The following DDX17 variants were observed in gnomAD, a reference collection of about 807,000 sequenced individuals.
DDX17 encodes DEAD-box helicase 17.
A neutral mutation model predicts 80.8 loss-of-function variants in DDX17; 10 were observed. The ratio of observed to expected loss-of-function variants is 0.12; its 90% CI spans 0.08 to 0.21. The LOEUF is 0.21. Among genes scored for constraint, DDX17 ranks in the 10% least tolerant of loss-of-function variants. The pLI, the probability that DDX17 is intolerant of heterozygous loss-of-function variation, is 1.00. For missense variants in DDX17, 586 were observed against 957.4 expected (o/e 0.61, Z 5.12); for synonymous variants, 339 against 336.2 (o/e 1.01, Z -0.09).
chr22:38,501,394 A>G, intron 1 of DDX17, 114 bp from the exon 2 acceptor site: 1 of 1,241,510 alleles, frequency 8.1e-7, no homozygotes, highest in Non-Finnish European at 1.1e-6. Context: ...CCTACCTCCA[A>G]AAAGACCATT....
chr22:38,494,554 C>T lies in DDX17; in HGVS notation c.1214+76G>A. ...CTCAGGCCTCAAAATATACTGGTTT[C>T]TACAGTACTAATTTTGGAGGGTTAT... is the stretch of plus-strand genomic sequence containing the variant. On this transcript the variant is annotated intron_variant, in intron 8 of 12. Transcript: ENST00000403230. The T allele has an allele frequency of 2.1e-6, 3 of 1,404,060 alleles. No homozygotes were observed. In the East Asian group the frequency reaches 6.9e-5, roughly 32 times the overall value. The allele number at this position is 1,404,060 out of a possible 1,614,324, so 87.0% of individuals were successfully genotyped here. A position where few individuals can be genotyped will look rare whatever the true frequency, so the allele number is the denominator to read the frequency against.
chr22:38,503,277 C>A (rs931767428), intron 1 of DDX17, among the ~76,000 whole-genome samples: 23 of 152,192 alleles, frequency 1.5e-4, no homozygotes, highest in African/African-American at 5.1e-4. Flanking sequence ...GGTAGAAAGT[C>A]TTTGGATTAT....
chr22:38,503,920 T>C (rs1164917097), intron 1 of DDX17, among the ~76,000 whole-genome samples: 1 of 152,228 alleles, frequency 6.6e-6, no homozygotes, highest in Non-Finnish European at 1.5e-5. Flanking sequence ...GGGGCACAGA[T>C]CTTATGAAAG....
rs1476480697 is a variant in DDX17 at position 38,504,742 on chromosome 22, G to A, written c.287+1209C>T. 2.6e-5 allele frequency among the ~76,000 whole-genome samples: 4 copies of A among 152,218 alleles called. No individual in the cohort carries two copies. The South Asian group carries it at 6.2e-4, about 24-fold the overall frequency. The stretch of plus-strand genomic sequence containing the variant: ...ACGTTTGGAGAAAATATCGTTAACA[G>A]AGCGCCTACTACAGTGAGACTATTA... On this transcript the variant is annotated intron_variant, in intron 1 of 12. Transcript: ENST00000403230.
chr22:38,505,817 G>A (rs1431879112), intron 1 of DDX17, 134 bp downstream of exon 1: 2 of 1,180,510 alleles, frequency 1.7e-6, no homozygotes, highest in Non-Finnish European at 2.3e-6. Flanking sequence ...CGAAACCGCT[G>A]TCTCGCCTCG....
At chr22:38,497,989 G>C (rs931722070) in intron 5 of DDX17, 96 bp downstream of exon 5, 1 of 1,170,760 alleles carries the variant, frequency 8.5e-7, no homozygotes, top group South Asian at 1.3e-5. Flanking sequence ...GGAGGGTGTG[G>C]TTAAGAGTAC....
rs755564470 is a variant in DDX17 at position 38,488,218 on chromosome 22, CA to C, written c.1448-104del. On this transcript the variant is annotated intron_variant, in intron 11 of 12. Coordinates refer to ENST00000403230, the MANE Select transcript of DDX17 (RefSeq NM_006386.5). ...TGGGAAGCACGAATGCAGATGACAG[CA>C]AGAGGAAAGAAGGTGAAGTTAGTAA... 14 of 1,598,128 alleles carry C rather than the reference CA, an allele frequency of 8.8e-6. No homozygotes were observed. In the African/African-American group the frequency reaches 1.9e-4, roughly 21 times the overall value.
Position 38,483,675 on chromosome 22 carries a change from C to A in DDX17, c.*2260G>T. 6.6e-6 allele frequency: 1 copy of A among 152,556 alleles called. No homozygotes were observed. Among genetic ancestry groups the A allele is most frequent in the Non-Finnish European group, 1.5e-5 (1 of 68,038 alleles). 9.5% of individuals were successfully genotyped at this position (152,556 alleles called of 1,614,324 possible). A position where few individuals can be genotyped will look rare whatever the true frequency, so the allele number is the denominator to read the frequency against. ...CCACTAACCTTTTAGATGAGAAGTC[C>A]ACACAACGAATTGTTAGGGAGGATT... is the stretch of plus-strand genomic sequence containing the variant. On this transcript the variant is annotated 3_prime_UTR_variant, in exon 13 of 13. Coordinates refer to ENST00000403230, the MANE Select transcript of DDX17 (RefSeq NM_006386.5).
chr22:38,495,246 ATTTTTTTTT>A (rs138442), intron 6 of DDX17, among the ~76,000 whole-genome samples, 200 bp from the exon 7 acceptor site: 1 of 130,682 alleles, frequency 7.7e-6, no homozygotes, highest in Non-Finnish European at 1.6e-5. Context: ...CAGAGAAGCT[ATTTTTTTTT>A]TTTTTTTTGA....
intron 2 of DDX17, 135 bp downstream of exon 2, chr22:38,500,995 C>CA (rs1458741808): frequency 8.4e-7 from 1 of 1,183,436 alleles, no homozygotes. Context: ...AAAAATTAAC[C>CA]AAAAAATTTT....
chr22:38,493,400 C>T (rs754545437), intron 10 of DDX17: 2 of 246,138 alleles, frequency 8.1e-6, no homozygotes, highest in Middle Eastern at 1.3e-3. Flanking sequence ...TTGCCCAGAC[C>T]GGTCTTGAAC....
At chr22:38,488,261 C>CA (rs754410837) in intron 11 of DDX17, 146 bp from the exon 12 acceptor site, 5 of 1,541,294 alleles carry the variant, frequency 3.2e-6, no homozygotes, top group Middle Eastern at 1.7e-4. Context: ...TGAACAGAAA[C>CA]AAAAAAAGAC....
chr22:38,501,079 A>AT, intron 2 of DDX17, 51 bp downstream of exon 2: 2 of 1,572,116 alleles, frequency 1.3e-6, no homozygotes, highest in Non-Finnish European at 8.6e-7. Flanking sequence ...TCTAACCAAT[A>AT]TATCTACTTG....
rs1429554681 is a variant in DDX17, at chr22:38,484,370, A to T, written c.*1565T>A. ...GACCTACCTGTATGTTGCACATTGA[A>T]TCATACTTTCAGAACCCCTCAGAAA... On this transcript the variant is annotated 3_prime_UTR_variant, in exon 13 of 13. Transcript: ENST00000403230. 1 of 152,286 alleles carries T rather than the reference A, an allele frequency of 6.6e-6. No individual in the cohort carries two copies. Among genetic ancestry groups the T allele is most frequent in the East Asian group, 1.9e-4 (1 of 5,202 alleles). The allele number at this position is 152,286 out of a possible 1,614,324, so 9.4% of individuals were successfully genotyped here.
rs756409730 is a variant in DDX17, at chr22:38,486,370, G to C, written c.1755C>G (p.Asp585Glu). 1.2e-6 allele frequency: 2 copies of C among 1,614,174 alleles called. No individual in the cohort carries two copies. Among genetic ancestry groups the C allele is most frequent in the Non-Finnish European group, 1.7e-6 (2 of 1,180,034 alleles). Reference sequence around the variant, plus strand: ...CATCCTTGACTCCTCGAAGCCTTCGGTCACACTCATCCTGATACATCAGAT... The same window carrying C: ...CATCCTTGACTCCTCGAAGCCTTCGCTCACACTCATCCTGATACATCAGAT... The change falls in exon 13 of 13, where the codon GAC becomes GAG. Residue 585 changes from aspartate to glutamate, a missense_variant. This residue lies in a region of DDX17 where 221 missense variants were observed against 261.4 expected (regional missense o/e 0.85). Transcript: ENST00000403230.
At chr22:38,500,816 T>TTAAAAAAAA (rs2089820142) in intron 2 of DDX17, among the ~76,000 whole-genome samples, 1 of 3,786 alleles carries the variant, frequency 2.6e-4, no homozygotes, top group African/African-American at 7.2e-4. Flanking sequence ...AAACTCCGTC[T>TTAAAAAAAA]CAAAAAAAAA....
At chr22:38,501,880 T>C (rs184317823) in intron 1 of DDX17, among the ~76,000 whole-genome samples, 110 of 152,350 alleles carry the variant, frequency 7.2e-4, no homozygotes, top group Non-Finnish European at 1.6e-4. Flanking sequence ...GTCTCTATTT[T>C]TGTGTAACAG....
At chr22:38,501,377 C>G in intron 1 of DDX17, 97 bp from the exon 2 acceptor site, 1 of 1,357,222 alleles carries the variant, frequency 7.4e-7, no homozygotes, top group African/African-American at 1.5e-5. Flanking sequence ...TCTAGGGATA[C>G]TACCAGCCTA....
chr22:38,496,397 G>A (rs1262578610), intron 5 of DDX17, among the ~76,000 whole-genome samples: 2 of 152,176 alleles, frequency 1.3e-5, no homozygotes, highest in Non-Finnish European at 2.9e-5. Context: ...GCCCAGGCTG[G>A]AGTGCAGTGG....
Sources: gnomAD v4.1 joint callset for allele counts (sites outside exome capture counted in the v4.1 genomes callset) on GRCh38, gnomAD v4.1.1 for gene constraint, gnomAD v4.1.1 regional missense constraint, MANE v1.5 for transcripts, NCBI Gene and HGNC (gene_info 2026-07-23, HGNC 2026-07-21) for gene names.